EPHA5: variants seen among roughly 807,000 people sequenced by gnomAD.
EPHA5 encodes ephrin type-A receptor 5.
A neutral mutation model predicts 105.0 loss-of-function variants in EPHA5; 60 were observed. The observed-to-expected ratio is 0.57, with a 90% confidence interval of 0.46 to 0.71. EPHA5 has a LOEUF of 0.71. EPHA5 is among the 30% of genes least tolerant of loss of function. The probability of loss-of-function intolerance (pLI) is 0.00; values close to 1 mark genes in which losing one functional copy is unlikely to be tolerated. For synonymous variants in EPHA5, 513 were observed against 449.1 expected (o/e 1.14, Z -1.80); for missense variants, 1,218 against 1,274.7 (o/e 0.96, Z 0.68).
chr4:65,407,562 A>G (rs1188910696), intron 7 of EPHA5, among the ~76,000 whole-genome samples: 1 of 152,054 alleles, frequency 6.6e-6, no homozygotes, highest in African/African-American at 2.4e-5. Flanking sequence ...AATCGCAAAC[A>G]TTAATATTCT....
intron 3 of EPHA5, among the ~76,000 whole-genome samples, chr4:65,572,855 A>G (rs1383694714): frequency 6.6e-6 from 1 of 151,038 alleles, no homozygotes; most frequent in Non-Finnish European, 1.5e-5. Flanking sequence ...ACATAGCGAA[A>G]CCCCGTCTCT....
rs141173071 is a variant in EPHA5, at chr4:65,633,607, C to G, written c.246+9756G>C. Among the ~76,000 whole-genome samples, 244 of 151,692 alleles carry G rather than the reference C, an allele frequency of 1.6e-3. 1 individual carries two copies. The highest frequency in any genetic ancestry group is 2.6e-3 in the Non-Finnish European group (175 of 67,850). On this transcript the variant is annotated intron_variant, in intron 2 of 16. Transcript: ENST00000613740. ...ACTTTAGGCCTGGGTTTTGCATGGA[C>G]TATATCATTTGGCAGAGAACCACTT...
intron 3 of EPHA5, among the ~76,000 whole-genome samples, chr4:65,500,222 C>T (rs1732340739): frequency 6.6e-6 from 1 of 151,134 alleles, no homozygotes; most frequent in South Asian, 2.1e-4. Flanking sequence ...TGTACATTAC[C>T]TAAATATCAT....
At chr4:65,385,387 CAAAT>C (rs1448604813) in intron 8 of EPHA5, among the ~76,000 whole-genome samples, 2 of 151,708 alleles carry the variant, frequency 1.3e-5, no homozygotes, top group African/African-American at 4.8e-5. Context: ...ATGTCTCTCT[CAAAT>C]AATAAAAGTA....
chr4:65,503,899 T>C (rs182163837), intron 3 of EPHA5, among the ~76,000 whole-genome samples: 1 of 108,720 alleles, frequency 9.2e-6, no homozygotes, highest in Non-Finnish European at 1.9e-5. Flanking sequence ...ATAGCATTCA[T>C]GTGTGTGATA....
At position 65,324,223 on chromosome 4, in the gene EPHA5, C is replaced by A. The variant is rs1719866520; in HGVS notation, c.2946-4G>T. ...CACTCCAAGCCGTCTCAAATCCCTG[C>A]ATGAAGAAAGCACACATTGGATGTA... On this transcript the variant is annotated splice_polypyrimidine_tract_variant and splice_region_variant and intron_variant, in intron 16 of 16. Transcript: ENST00000613740. 1 of 1,600,858 alleles carries A rather than the reference C, an allele frequency of 6.2e-7. No homozygotes were observed. The highest frequency in any genetic ancestry group is 8.5e-7 in the Non-Finnish European group (1 of 1,170,296).
chr4:65,547,178 A>G (rs1210297476), intron 3 of EPHA5, among the ~76,000 whole-genome samples: 1 of 152,024 alleles, frequency 6.6e-6, no homozygotes, highest in African/African-American at 2.4e-5. Flanking sequence ...CAGAGTAAAC[A>G]GATGGCAATG....
rs776482836 is a variant in EPHA5 at position 65,353,072 on chromosome 4, C to T, written c.2205G>A (p.Met735Ile). The T allele has an allele frequency of 4.5e-6, 7 of 1,566,872 alleles. No individual in the cohort carries two copies. Among genetic ancestry groups the T allele is most frequent in the Non-Finnish European group, 4.3e-6 (5 of 1,158,550 alleles). The change falls in exon 12 of 17, where the codon ATG becomes ATA. Residue 735 changes from methionine (M) to isoleucine (I), a missense_variant. Met to Ile is a conservative substitution (Grantham distance 10). Coordinates refer to ENST00000613740, the MANE Select transcript of EPHA5 (RefSeq NM_001281766.3). ...AAAATGTATCTAAAGAGCCATTCTC[C>T]ATATACTCTGTCACGATCATCACTG... is the stretch of plus-strand genomic sequence containing the variant. Reference protein sequence around the residue: ...SKPVMIVTEYMENGSLDTFLK... With the variant: ...SKPVMIVTEYIENGSLDTFLK...
At chr4:65,661,668 T>C (rs1749570449) in intron 1 of EPHA5, among the ~76,000 whole-genome samples, 1 of 147,894 alleles carries the variant, frequency 6.8e-6, no homozygotes, top group South Asian at 2.1e-4. Flanking sequence ...AAGCTTTGGG[T>C]GAAAGCTTTG....
intron 8 of EPHA5, among the ~76,000 whole-genome samples, chr4:65,377,917 C>T (rs1299586453): frequency 6.6e-6 from 1 of 151,918 alleles, no homozygotes; most frequent in Non-Finnish European, 1.5e-5. Flanking sequence ...GTGATCTCAA[C>T]AGAACTATAA....
intron 3 of EPHA5, among the ~76,000 whole-genome samples, chr4:65,596,524 A>C (rs1296602912): frequency 6.6e-6 from 1 of 152,142 alleles, no homozygotes; most frequent in Non-Finnish European, 1.5e-5. Context: ...AACGCAGAGT[A>C]CTCTCAAAAA....
At chr4:65,341,059 T>A (rs1324021538) in intron 14 of EPHA5, among the ~76,000 whole-genome samples, 3 of 152,078 alleles carry the variant, frequency 2.0e-5, no homozygotes, top group African/African-American at 7.2e-5. Flanking sequence ...CTTCCCTTCA[T>A]CCCTCCTCAA....
chr4:65,513,756 A>G (rs1733848362), intron 3 of EPHA5, among the ~76,000 whole-genome samples: 1 of 152,052 alleles, frequency 6.6e-6, no homozygotes, highest in African/African-American at 2.4e-5. Context: ...AAGTTCTACC[A>G]TTTTTTATAT....
At chr4:65,530,219 C>T (rs576385766) in intron 3 of EPHA5, among the ~76,000 whole-genome samples, 3 of 151,824 alleles carry the variant, frequency 2.0e-5, no homozygotes, top group East Asian at 3.9e-4. Flanking sequence ...GAGCTATGCC[C>T]AGTAATAGAA....
In EPHA5 at chr4:65,325,094, A is replaced by G. The variant is rs1719950275; in HGVS notation, c.2946-875T>C. The stretch of plus-strand genomic sequence containing the variant: ...TTATAGGAAAAAATAAACATGAACA[A>G]TTCAAAATCCTAAATGACAAAGATG... On this transcript the variant is annotated intron_variant, in intron 16 of 16. Coordinates refer to ENST00000613740, the MANE Select transcript of EPHA5 (RefSeq NM_001281766.3). 4.6e-5 allele frequency among the ~76,000 whole-genome samples: 7 copies of G among 151,392 alleles called. No homozygotes were observed. The Admixed American group carries it at 4.6e-4, about 10-fold the overall frequency.
chr4:65,437,775 T>C (rs1725621485), intron 5 of EPHA5, among the ~76,000 whole-genome samples: 1 of 151,946 alleles, frequency 6.6e-6, no homozygotes, highest in Non-Finnish European at 1.5e-5. Context: ...AAAATTGGGG[T>C]TATATCTGTT....
intron 3 of EPHA5, among the ~76,000 whole-genome samples, chr4:65,539,355 TAA>T (rs34927477): frequency 0.12 from 18,649 of 151,650 alleles, 1,483 homozygotes; most frequent in East Asian, 0.3. Flanking sequence ...AGAAGTTGTT[TAA>T]ATACAATATT....
chr4:65,536,188 C>T (rs912734781), intron 3 of EPHA5, among the ~76,000 whole-genome samples: 1 of 151,846 alleles, frequency 6.6e-6, no homozygotes, highest in East Asian at 1.9e-4. Flanking sequence ...GTGGATCTAT[C>T]GCTGCCCCAC....
At chr4:65,434,096 C>G (rs1313111633) in intron 5 of EPHA5, among the ~76,000 whole-genome samples, 1 of 152,008 alleles carries the variant, frequency 6.6e-6, no homozygotes, top group African/African-American at 2.4e-5. Flanking sequence ...TAACTCTAGC[C>G]TCTGGTTCAG....
Sources: gnomAD v4.1 joint callset for allele counts (sites outside exome capture counted in the v4.1 genomes callset) on GRCh38, gnomAD v4.1.1 for gene constraint, MANE v1.5 for transcripts, NCBI Gene and HGNC (gene_info 2026-07-23, HGNC 2026-07-21) for gene names.